The following SGCZ variants were observed in gnomAD, a reference collection of about 807,000 sequenced individuals.
SGCZ encodes sarcoglycan zeta.
In SGCZ, 40 loss-of-function variants were observed where a neutral mutation model predicts 41.3. That is an observed-to-expected ratio of 0.97 (90% CI 0.75 to 1.26). SGCZ has a LOEUF of 1.26. Among genes scored for constraint, SGCZ ranks in the 50% most tolerant of loss-of-function variants. The pLI is 0.00. For missense variants in SGCZ, 552 were observed against 369.8 expected (o/e 1.49, Z -4.04); for synonymous variants, 206 against 137.5 (o/e 1.50, Z -3.49).
intron 1 of SGCZ, among the ~76,000 whole-genome samples, chr8:15,192,815 T>G (rs1800584493): frequency 6.6e-6 from 1 of 152,142 alleles, no homozygotes; most frequent in Non-Finnish European, 1.5e-5. Context: ...TGTGCATTCT[T>G]GTGGTTTCTC....
chr8:14,352,582 C>A (rs1803140879), intron 2 of SGCZ, among the ~76,000 whole-genome samples: 1 of 152,060 alleles, frequency 6.6e-6, no homozygotes, highest in African/African-American at 2.4e-5. Context: ...GCCTCTGGCA[C>A]AAACAACCAG....
intron 1 of SGCZ, among the ~76,000 whole-genome samples, chr8:15,131,228 C>T (rs1361846743): frequency 2.6e-5 from 4 of 152,134 alleles, no homozygotes; most frequent in Admixed American, 1.3e-4. Context: ...GTGGGAAGGG[C>T]CCAGTGGGAG....
At chr8:14,275,715 C>T (rs12676735) in intron 3 of SGCZ, among the ~76,000 whole-genome samples, 32,832 of 152,028 alleles carry the variant, frequency 0.22, 3,735 homozygotes, top group East Asian at 0.3. Context: ...GTGAAGACAA[C>T]AGCCAACTGC....
chr8:14,165,366 C>T (rs1251516112), intron 4 of SGCZ: 1 of 152,104 alleles, frequency 6.6e-6, no homozygotes, highest in African/African-American at 2.4e-5. Context: ...AACCAACTTA[C>T]TGGCCAATTC....
At chr8:14,160,169 T>C (rs935285530) in intron 5 of SGCZ, among the ~76,000 whole-genome samples, 1 of 152,178 alleles carries the variant, frequency 6.6e-6, no homozygotes, top group Non-Finnish European at 1.5e-5. Context: ...TTTTACATCA[T>C]AGAAAAAAAA....
rs538984967 is a variant in SGCZ at position 14,998,092 on chromosome 8, A to G, written c.39+239493T>C. 2.0e-5 allele frequency among the ~76,000 whole-genome samples: 3 copies of G among 152,362 alleles called. No homozygotes were observed. In the East Asian group the frequency reaches 5.8e-4, roughly 29 times the overall value. Reference sequence around the variant, plus strand: ...TCAACTACGAAGTAACACACCCATTAAAGTACTGCGTCTTTTTCAAATGTA... The same window carrying G: ...TCAACTACGAAGTAACACACCCATTGAAGTACTGCGTCTTTTTCAAATGTA... On this transcript the variant is annotated intron_variant, in intron 1 of 7. Coordinates refer to ENST00000382080, the MANE Select transcript of SGCZ (RefSeq NM_139167.4).
At chr8:14,286,936 T>C (rs1328850014) in intron 3 of SGCZ, among the ~76,000 whole-genome samples, 1 of 152,066 alleles carries the variant, frequency 6.6e-6, no homozygotes, top group African/African-American at 2.4e-5. Flanking sequence ...TATGTGATTA[T>C]ACTATAAATA....
intron 3 of SGCZ, among the ~76,000 whole-genome samples, chr8:14,283,041 G>T (rs1284690807): frequency 6.6e-6 from 1 of 150,778 alleles, no homozygotes; most frequent in Admixed American, 6.6e-5. Context: ...AGTAGAGACG[G>T]GGTTTCACCG....
At chr8:14,426,870 G>A (rs201849609) in intron 2 of SGCZ, among the ~76,000 whole-genome samples, 1 of 152,106 alleles carries the variant, frequency 6.6e-6, no homozygotes, top group East Asian at 1.9e-4. Context: ...TGGAAAAAAT[G>A]TCTAAGATCA....
chr8:14,865,253 C>T (rs1390644336), intron 1 of SGCZ, among the ~76,000 whole-genome samples: 1 of 151,996 alleles, frequency 6.6e-6, no homozygotes, highest in Non-Finnish European at 1.5e-5. Flanking sequence ...CTCTTCTGCC[C>T]CTTACTCTCA....
chr8:14,150,744 T>G (rs1431684579), intron 5 of SGCZ, among the ~76,000 whole-genome samples: 1 of 152,160 alleles, frequency 6.6e-6, no homozygotes, highest in Non-Finnish European at 1.5e-5. Context: ...GCAGCATTGT[T>G]TACAATAGTC....
At chr8:14,307,708 A>G (rs539693279) in intron 3 of SGCZ, among the ~76,000 whole-genome samples, 1 of 152,286 alleles carries the variant, frequency 6.6e-6, no homozygotes, top group South Asian at 2.1e-4. Flanking sequence ...TATAAATTTT[A>G]TTAACAAAGT....
Position 14,542,942 on chromosome 8 carries a change from G to T in SGCZ, c.234+11790C>A, listed in dbSNP as rs566275181. On this transcript the variant is annotated intron_variant, in intron 2 of 7. Transcript: ENST00000382080. ...AGTTAATAACACTGACATATATAGG[G>T]CCTTAAAAACTTCTTCAAATTCATT... Among the ~76,000 whole-genome samples the T allele has an allele frequency of 9.2e-5, 14 of 151,838 alleles. No individual in the cohort carries two copies. In the South Asian group the frequency reaches 2.9e-3, roughly 31 times the overall value.
chr8:15,198,852 C>A (rs573253867), intron 1 of SGCZ, among the ~76,000 whole-genome samples: 2 of 152,122 alleles, frequency 1.3e-5, no homozygotes, highest in South Asian at 4.1e-4. Context: ...TACCTTCCTG[C>A]GCTTTCTTGT....
At chr8:14,779,499 ACTG>A (rs1452555349) in intron 1 of SGCZ, among the ~76,000 whole-genome samples, 7 of 152,204 alleles carry the variant, frequency 4.6e-5, no homozygotes, top group Non-Finnish European at 8.8e-5. Flanking sequence ...TAATTTGCTT[ACTG>A]AGTTGCTTCC....
chr8:14,832,319 G>C (rs1172853200), intron 1 of SGCZ, among the ~76,000 whole-genome samples: 1 of 152,092 alleles, frequency 6.6e-6, no homozygotes, highest in African/African-American at 2.4e-5. Context: ...AATGTTGTCA[G>C]CTTAATATTC....
intron 1 of SGCZ, among the ~76,000 whole-genome samples, chr8:14,964,443 T>C (rs754909553): frequency 2.0e-5 from 3 of 152,128 alleles, no homozygotes; most frequent in Non-Finnish European, 4.4e-5. Context: ...GCTTCAAATT[T>C]TTTGGAGCTG....
At chr8:14,786,790 G>A (rs560453217) in intron 1 of SGCZ, among the ~76,000 whole-genome samples, 5 of 150,568 alleles carry the variant, frequency 3.3e-5, no homozygotes, top group Admixed American at 2.6e-4. Context: ...CCAGAGAGGA[G>A]CTAAAGATCC....
intron 2 of SGCZ, among the ~76,000 whole-genome samples, chr8:14,470,889 A>G (rs751583521): frequency 5.9e-5 from 9 of 152,158 alleles, no homozygotes; most frequent in Non-Finnish European, 8.8e-5. Flanking sequence ...CTGAGACACA[A>G]TAAGTCGTGT....
Sources: allele counts gnomAD v4.1 joint callset (sites outside exome capture counted in the v4.1 genomes callset), GRCh38; gene constraint gnomAD v4.1.1; transcripts MANE v1.5; gene names NCBI Gene and HGNC (gene_info 2026-07-23, HGNC 2026-07-21).